SLC8A1: variants seen among roughly 807,000 people sequenced by gnomAD.
The protein encoded by SLC8A1 is solute carrier family 8 member A1.
In SLC8A1, 18 loss-of-function variants were observed where a neutral mutation model predicts 68.3. That is an observed-to-expected ratio of 0.26 (90% CI 0.18 to 0.39). The LOEUF is 0.39. SLC8A1 is among the 10% of genes least tolerant of loss of function. The probability of loss-of-function intolerance (pLI) is 1.00; values close to 1 mark genes in which losing one functional copy is unlikely to be tolerated. For synonymous variants in SLC8A1, 475 were observed against 415.5 expected (o/e 1.14, Z -1.74); for missense variants, 985 against 1,156.7 (o/e 0.85, Z 2.15).
At chr2:40,369,219 GC>G (rs1367573290) in intron 2 of SLC8A1, among the ~76,000 whole-genome samples, 6 of 152,062 alleles carry the variant, frequency 3.9e-5, no homozygotes, top group Admixed American at 3.9e-4. Context: ...CTTCTGCAAG[GC>G]AAAAGAAACT....
upstream of SLC8A1, chr2:40,453,100 G>A (rs1559739310): frequency 1.3e-5 from 2 of 152,154 alleles, no homozygotes. Flanking sequence ...TTCACGTGGT[G>A]AAAGGCTAGA....
At chr2:40,504,671 A>C (rs372552728) in intron 1 of SLC8A1, among the ~76,000 whole-genome samples, 5 of 152,102 alleles carry the variant, frequency 3.3e-5, no homozygotes, top group East Asian at 1.9e-4. Context: ...GACAGTTCTC[A>C]AAAGAAGACA....
At position 40,409,986 on chromosome 2, in the gene SLC8A1, C is replaced by T. The variant is rs114469533; in HGVS notation, c.1808+18487G>A. ...ATAACCTAGTGAATAGGAGCAACCA[C>T]GGACTAAGAGTGAGAAGGGAAAAAA... On this transcript the variant is annotated intron_variant, in intron 2 of 7. Transcript: ENST00000406785. Among the ~76,000 whole-genome samples the T allele has an allele frequency of 3.6e-3, 543 of 149,552 alleles. 5 individuals are homozygous for T. Among genetic ancestry groups the T allele is most frequent in the African/African-American group, 0.013 (531 of 40,450 alleles).
chr2:40,488,582 C>T (rs919278424), intron 1 of SLC8A1, among the ~76,000 whole-genome samples: 1 of 151,932 alleles, frequency 6.6e-6, no homozygotes, highest in Non-Finnish European at 1.5e-5. Flanking sequence ...TTGAGCAAAA[C>T]CAACTCCATG....
chr2:40,228,246 C>G (rs1277347442), intron 2 of SLC8A1, among the ~76,000 whole-genome samples: 1 of 152,134 alleles, frequency 6.6e-6, no homozygotes, highest in Non-Finnish European at 1.5e-5. Flanking sequence ...TTTTCCCTGC[C>G]TGCAGCAGAC....
At chr2:40,113,291 A>G (rs1666193662) in exon 8 of SLC8A1, 1 of 152,774 alleles carries the variant, frequency 6.5e-6, no homozygotes, top group Non-Finnish European at 1.5e-5. Flanking sequence ...AGGGCTAGGA[A>G]TGTCTCCAGC....
chr2:40,437,262 G>A (rs1576482035), intron 1 of SLC8A1, among the ~76,000 whole-genome samples: 1 of 152,082 alleles, frequency 6.6e-6, no homozygotes. Context: ...TCAAGATTTA[G>A]GTACTTAACC....
chr2:40,306,774 G>A (rs933798982), intron 2 of SLC8A1, among the ~76,000 whole-genome samples: 1 of 152,100 alleles, frequency 6.6e-6, no homozygotes. Context: ...CAGGCTCCAC[G>A]GCTGGTTGGC....
chr2:40,390,287 G>A (rs1684866314), intron 2 of SLC8A1, among the ~76,000 whole-genome samples: 1 of 152,028 alleles, frequency 6.6e-6, no homozygotes, highest in Non-Finnish European at 1.5e-5. Context: ...ACTTGGCTTG[G>A]AATCATATAA....
intron 2 of SLC8A1, among the ~76,000 whole-genome samples, chr2:40,332,616 A>T: frequency 6.6e-6 from 1 of 152,212 alleles, no homozygotes; most frequent in East Asian, 1.9e-4. Flanking sequence ...ATTCTCTACC[A>T]AGCTGCAGAA....
At chr2:40,242,710 A>C (rs2061378568) in intron 2 of SLC8A1, among the ~76,000 whole-genome samples, 1 of 152,262 alleles carries the variant, frequency 6.6e-6, no homozygotes, top group East Asian at 1.9e-4. Flanking sequence ...AGAGATTTTA[A>C]AATATGGTAT....
At chr2:40,483,918 A>T (rs1381406109) in intron 1 of SLC8A1, among the ~76,000 whole-genome samples, 1 of 152,214 alleles carries the variant, frequency 6.6e-6, no homozygotes, top group African/African-American at 2.4e-5. Context: ...TGTGATCATC[A>T]GAGAGAGACA....
intron 2 of SLC8A1, among the ~76,000 whole-genome samples, chr2:40,277,312 G>A (rs376050701): frequency 1.7e-4 from 26 of 152,046 alleles, no homozygotes; most frequent in African/African-American, 3.1e-4. Flanking sequence ...AGGCCAAGGC[G>A]GGCGATCACT....
intron 2 of SLC8A1, among the ~76,000 whole-genome samples, chr2:40,348,754 G>C (rs1299731783): frequency 1.3e-5 from 2 of 152,038 alleles, no homozygotes; most frequent in African/African-American, 2.4e-5. Context: ...AATGACTCTT[G>C]GTGGTTTCAC....
intron 7 of SLC8A1, among the ~76,000 whole-genome samples, chr2:40,122,237 C>T (rs1166120411): frequency 2.9e-5 from 4 of 137,262 alleles, no homozygotes; most frequent in East Asian, 4.0e-4. Flanking sequence ...TGTGCGCGCG[C>T]ACACACACAC....
intron 7 of SLC8A1, among the ~76,000 whole-genome samples, chr2:40,128,104 G>T (rs1572880283): frequency 6.6e-6 from 1 of 152,208 alleles, no homozygotes; most frequent in Non-Finnish European, 1.5e-5. Flanking sequence ...TCCAGCTGGC[G>T]CTGTGCATAA....
intron 2 of SLC8A1, among the ~76,000 whole-genome samples, chr2:40,396,063 G>GA: frequency 6.6e-6 from 1 of 152,062 alleles, no homozygotes; most frequent in African/African-American, 2.4e-5. Flanking sequence ...AGGAAAGAAA[G>GA]ATAATACTTC....
At chr2:40,452,478 C>T (rs1251225038), upstream of SLC8A1, among the ~76,000 whole-genome samples, 1 of 152,286 alleles carries the variant, frequency 6.6e-6, no homozygotes, top group East Asian at 1.9e-4. Flanking sequence ...ATGACACGCG[C>T]ACACAGGCGC....
intron 2 of SLC8A1, among the ~76,000 whole-genome samples, chr2:40,309,533 G>A (rs1307266507): frequency 6.9e-6 from 1 of 145,596 alleles, no homozygotes; most frequent in Admixed American, 6.9e-5. Context: ...GTGAGACGGA[G>A]TCTCGCTCTG....
Sources: allele counts gnomAD v4.1 joint callset (sites outside exome capture counted in the v4.1 genomes callset), GRCh38; gene constraint gnomAD v4.1.1; transcripts MANE v1.5; gene names NCBI Gene and HGNC (gene_info 2026-07-23, HGNC 2026-07-21).